CPNE8: variants seen among roughly 807,000 people sequenced by gnomAD.
CPNE8 encodes the protein copine-8.
In CPNE8, 45 loss-of-function variants were observed where a neutral mutation model predicts 81.5. That is an observed-to-expected ratio of 0.55 (90% confidence interval 0.44 to 0.71). The LOEUF is 0.71. Among genes scored for constraint, CPNE8 ranks in the 30% least tolerant of loss-of-function variants. The pLI is 0.00. For missense variants in CPNE8, 594 were observed against 672.1 expected (o/e 0.88, Z 1.28); for synonymous variants, 252 against 226.3 (o/e 1.11, Z -1.02).
chr12:38,721,708 G>C (rs773035470), intron 13 of CPNE8, among the ~76,000 whole-genome samples: 1 of 152,222 alleles, frequency 6.6e-6, no homozygotes, highest in East Asian at 1.9e-4. Flanking sequence ...CCCTGGGGGA[G>C]CCCAGACCTG....
At chr12:38,905,909 C>T (rs997116670), upstream of CPNE8, 1 of 985,204 alleles carries the variant, frequency 1.0e-6, no homozygotes, top group Admixed American at 6.1e-5. Flanking sequence ...GACGCAGACC[C>T]CTACCGTCCA....
At chr12:38,890,803 T>C (rs1025546768) in intron 1 of CPNE8, among the ~76,000 whole-genome samples, 2 of 151,878 alleles carry the variant, frequency 1.3e-5, no homozygotes, top group Non-Finnish European at 2.9e-5. Context: ...AGGTATTTTA[T>C]ATAGGATATC....
At chr12:38,687,848 T>A (rs535770911) in intron 15 of CPNE8, among the ~76,000 whole-genome samples, 1 of 152,332 alleles carries the variant, frequency 6.6e-6, no homozygotes, top group South Asian at 2.1e-4. Flanking sequence ...TTTTTGAAAG[T>A]ATAAAAATAA....
intron 6 of CPNE8, among the ~76,000 whole-genome samples, chr12:38,803,604 G>A (rs529212270): frequency 7.0e-6 from 1 of 142,616 alleles, no homozygotes; most frequent in South Asian, 2.4e-4. Context: ...GCACAAGACA[G>A]GGATGCCCTC....
At chr12:38,675,580 G>T in intron 18 of CPNE8, 137 bp downstream of exon 18, 1 of 605,582 alleles carries the variant, frequency 1.7e-6, no homozygotes, top group South Asian at 2.1e-5. Flanking sequence ...GTCTAATTAT[G>T]GACACATGAA....
chr12:38,780,979 C>G (rs1942040933), intron 6 of CPNE8, among the ~76,000 whole-genome samples: 1 of 151,780 alleles, frequency 6.6e-6, no homozygotes, highest in South Asian at 2.1e-4. Context: ...ATGTTAAAAA[C>G]TAAAATAACA....
chr12:38,710,199 T>C (rs1353222293), intron 13 of CPNE8, among the ~76,000 whole-genome samples: 2 of 129,838 alleles, frequency 1.5e-5, no homozygotes, highest in Admixed American at 1.9e-4. Flanking sequence ...CAAAAAGGTA[T>C]GCAAAATTGC....
chr12:38,710,964 C>A (rs1236311627), intron 13 of CPNE8, among the ~76,000 whole-genome samples: 1 of 152,166 alleles, frequency 6.6e-6, no homozygotes, highest in Non-Finnish European at 1.5e-5. Flanking sequence ...TCCCAGCCCC[C>A]AACCTTTTAA....
intron 11 of CPNE8, among the ~76,000 whole-genome samples, chr12:38,727,462 A>G (rs1226724685): frequency 2.0e-5 from 3 of 152,230 alleles, no homozygotes; most frequent in African/African-American, 7.2e-5. Context: ...AGTATTTACA[A>G]TTAACATGTG....
Position 38,770,758 on chromosome 12 carries a change from T to C in CPNE8, c.472-3020A>G, listed in dbSNP as rs143293403. 9.9e-5 allele frequency among the ~76,000 whole-genome samples: 15 copies of C among 152,222 alleles called. No homozygotes were observed. In the East Asian group the frequency reaches 2.7e-3, roughly 27 times the overall value. ...CCCACCTCAGGACCTTATACAGCTG[T>C]GTCTGCTGGAATTCTTATCCTTGGG... On this transcript the variant is annotated intron_variant, in intron 7 of 19. Transcript: ENST00000331366.
At chr12:38,722,980 C>T (rs1940603570) in intron 13 of CPNE8, among the ~76,000 whole-genome samples, 2 of 152,156 alleles carry the variant, frequency 1.3e-5, no homozygotes, top group Non-Finnish European at 2.9e-5. Flanking sequence ...TAAGACACGC[C>T]TTGCTTCCCC....
At chr12:38,814,373 G>A (rs374524773) in intron 6 of CPNE8, among the ~76,000 whole-genome samples, 202 of 125,212 alleles carry the variant, frequency 1.6e-3, no homozygotes, top group African/African-American at 5.7e-3. Flanking sequence ...CTGGAGTGCA[G>A]TGGTGCAATC....
intron 7 of CPNE8, among the ~76,000 whole-genome samples, chr12:38,774,791 G>T (rs972631411): frequency 6.6e-6 from 1 of 152,034 alleles, no homozygotes; most frequent in Non-Finnish European, 1.5e-5. Context: ...GGCATGTTGG[G>T]GTATTTTTTA....
At chr12:38,706,826 T>G (rs1403841828) in intron 13 of CPNE8, among the ~76,000 whole-genome samples, 1 of 152,160 alleles carries the variant, frequency 6.6e-6, no homozygotes, top group Admixed American at 6.6e-5. Context: ...TTTATGACTG[T>G]TTCTAACTTG....
At chr12:38,740,579 A>G (rs569383401) in intron 10 of CPNE8, among the ~76,000 whole-genome samples, 72 of 152,222 alleles carry the variant, frequency 4.7e-4, no homozygotes, top group African/African-American at 1.6e-3. Context: ...TCAATACCTA[A>G]TTGACAGTTT....
At chr12:38,846,873 C>T (rs1943567153) in intron 4 of CPNE8, among the ~76,000 whole-genome samples, 1 of 151,978 alleles carries the variant, frequency 6.6e-6, no homozygotes, top group South Asian at 2.1e-4. Context: ...CAGCCAAATG[C>T]CCATCAGTAA....
chr12:38,794,166 G>A (rs1258169526), intron 6 of CPNE8, among the ~76,000 whole-genome samples: 2 of 152,078 alleles, frequency 1.3e-5, no homozygotes, highest in African/African-American at 4.8e-5. Flanking sequence ...GACACCAAAA[G>A]TACAGGCAAC....
intron 6 of CPNE8, among the ~76,000 whole-genome samples, chr12:38,803,013 C>G (rs199979980): frequency 8.8e-6 from 1 of 113,504 alleles, no homozygotes; most frequent in Non-Finnish European, 1.8e-5. Context: ...TGGCAATAAT[C>G]AATAGTTTAC....
At chr12:38,735,463 A>T (rs1940932056) in intron 10 of CPNE8, among the ~76,000 whole-genome samples, 2 of 151,814 alleles carry the variant, frequency 1.3e-5, no homozygotes, top group African/African-American at 4.8e-5. Flanking sequence ...TTTTCCTATC[A>T]CCACAAAAAG....
Sources: allele counts gnomAD v4.1 joint callset (sites outside exome capture counted in the v4.1 genomes callset), GRCh38; gene constraint gnomAD v4.1.1; transcripts MANE v1.5; gene names NCBI Gene and HGNC (gene_info 2026-07-23, HGNC 2026-07-21).